Variants in CNKSR1 observed in about 807,000 individuals in gnomAD.
CNKSR1 encodes the protein CNK homolog protein 1.
A neutral mutation model predicts 95.6 loss-of-function variants in CNKSR1; 88 were observed. The observed-to-expected ratio is 0.92, with a 90% confidence interval of 0.78 to 1.10. The LOEUF (loss-of-function observed/expected upper bound fraction) is 1.10. CNKSR1 is among the 50% of genes least tolerant of loss of function. The probability of loss-of-function intolerance (pLI) is 0.00; values close to 1 mark genes in which losing one functional copy is unlikely to be tolerated. For missense variants in CNKSR1, 836 were observed against 912.0 expected (o/e 0.92, Z 1.07); for synonymous variants, 355 against 369.7 (o/e 0.96, Z 0.46).
intron 1 of CNKSR1, chr1:26,180,232 TCTG>T: frequency 1.0e-5 from 6 of 602,254 alleles, no homozygotes; most frequent in South Asian, 2.0e-5. Context: ...CTCCGGTGAG[TCTG>T]CTGCTGCTGG....
At chr1:26,181,721 C>A (rs751665895) in intron 3 of CNKSR1, 136 bp from the exon 4 acceptor site, 8 of 776,230 alleles carry the variant, frequency 1.0e-5, no homozygotes, top group Non-Finnish European at 1.8e-5. Flanking sequence ...ATGTCTCAAT[C>A]ATCTCCTTTA....
In CNKSR1 at chr1:26,189,303, C is replaced by G; in HGVS notation, c.1897C>G (p.Leu633Val). Residue 633 changes from leucine to valine, a missense_variant, in exon 21 of 21, where the codon CTA becomes GTA. Physicochemically the swap from Leu to Val is conservative, Grantham distance 32. Coordinates refer to ENST00000361530, the MANE Select transcript of CNKSR1 (RefSeq NM_006314.3). ...LKAKLQELQV[L>V]EEVLGDPELT... ...GGCAAAGCTGCAGGAGCTGCAGGTC[C>G]TAGAAGAAGTGCTGGGTGACCCTGA... The G allele has an allele frequency of 6.2e-7, 1 of 1,614,168 alleles. No homozygotes were observed. Among genetic ancestry groups the G allele is most frequent in the Non-Finnish European group, 8.5e-7 (1 of 1,180,010 alleles).
chr1:26,181,772 T>C, intron 3 of CNKSR1, 85 bp from the exon 4 acceptor site: 1 of 1,310,188 alleles, frequency 7.6e-7, no homozygotes, highest in Non-Finnish European at 1.1e-6. Context: ...TATCCCCAAG[T>C]CTCTGAGGTG....
chr1:26,179,182 C>T (rs770123591), intron 1 of CNKSR1, among the ~76,000 whole-genome samples: 5 of 152,108 alleles, frequency 3.3e-5, no homozygotes, highest in Admixed American at 6.5e-5. Flanking sequence ...AGGCACAGGC[C>T]GGGGGTTAGA....
At chr1:26,178,180 A>G (rs2088592835) in intron 1 of CNKSR1, among the ~76,000 whole-genome samples, 1 of 152,138 alleles carries the variant, frequency 6.6e-6, no homozygotes, top group African/African-American at 2.4e-5. Flanking sequence ...TGTCATGAAA[A>G]CAGGAGGGAG....
intron 5 of CNKSR1, 38 bp downstream of exon 5, chr1:26,182,440 C>G: frequency 6.2e-7 from 1 of 1,613,422 alleles, no homozygotes; most frequent in Non-Finnish European, 8.5e-7. Context: ...GGGGTAGGGG[C>G]GATCGGGCTC....
chr1:26,181,675 G>A, intron 3 of CNKSR1, 182 bp from the exon 4 acceptor site: 1 of 645,412 alleles, frequency 1.5e-6, no homozygotes, highest in Non-Finnish European at 2.8e-6. Context: ...CATGTGGTAG[G>A]CACATGACAA....
chr1:26,185,066 G>A lies in CNKSR1; in HGVS notation c.1188G>A (p.Arg396=), dbSNP rs760756111. 4 of 1,605,230 alleles carry A rather than the reference G, an allele frequency of 2.5e-6. No homozygotes were observed. The highest frequency in any genetic ancestry group is 4.5e-5 in the East Asian group (2 of 44,720). ...RRRVSCRELG[R]PDCDGWLLLR... is the part of the protein sequence containing the mutation. ...GGGTGTCATGCCGTGAGCTGGGCCG[G>A]CCGGACTGTGACGGCTGGCTCCTGT... The change falls in exon 14 of 21, where the codon CGG becomes CGA. Residue 396 remains arginine (R), a synonymous_variant. Coordinates refer to ENST00000361530, the MANE Select transcript of CNKSR1 (RefSeq NM_006314.3).
intron 1 of CNKSR1, among the ~76,000 whole-genome samples, chr1:26,179,902 G>C (rs143805141): frequency 4.5e-4 from 69 of 152,272 alleles, no homozygotes; most frequent in Non-Finnish European, 6.2e-4. Context: ...TTCAGAGACT[G>C]AGGCAGTCAA....
chr1:26,183,995 G>T (rs779739758), intron 9 of CNKSR1, 76 bp from the exon 10 acceptor site: 6 of 937,864 alleles, frequency 6.4e-6, no homozygotes, highest in Non-Finnish European at 8.5e-6. Context: ...TGCTCCTGCT[G>T]CTCCCCTACC....
chr1:26,185,068 C>G lies in CNKSR1; in HGVS notation c.1190C>G (p.Pro397Arg). The change falls in exon 14 of 21, where the codon CCG becomes CGG. Residue 397 changes from proline (P) to arginine (R), a missense_variant. Coordinates refer to ENST00000361530, the MANE Select transcript of CNKSR1 (RefSeq NM_006314.3). ...GTGTCATGCCGTGAGCTGGGCCGGC[C>G]GGACTGTGACGGCTGGCTCCTGTTG... ...RRVSCRELGRPDCDGWLLLRK... is the reference protein window; with the variant it reads ...RRVSCRELGRRDCDGWLLLRK... 1.2e-6 allele frequency: 2 copies of G among 1,605,402 alleles called. No individual in the cohort carries two copies. Among genetic ancestry groups the G allele is most frequent in the Non-Finnish European group, 1.7e-6 (2 of 1,178,334 alleles).
intron 14 of CNKSR1, among the ~76,000 whole-genome samples, chr1:26,186,574 G>A (rs1369324614): frequency 2.6e-5 from 4 of 152,124 alleles, no homozygotes; most frequent in South Asian, 2.1e-4. Flanking sequence ...TCCCAGGTTC[G>A]AGCAATTCTC....
In CNKSR1 at chr1:26,187,399, A is replaced by C. The variant is rs760104911; in HGVS notation, c.1383-12A>C. 6.9e-5 allele frequency: 112 copies of C among 1,613,716 alleles called. No individual in the cohort carries two copies. The highest frequency in any genetic ancestry group is 8.4e-5 in the Non-Finnish European group (99 of 1,179,776). On this transcript the variant is annotated splice_polypyrimidine_tract_variant and intron_variant, in intron 15 of 20. Coordinates refer to ENST00000361530, the MANE Select transcript of CNKSR1 (RefSeq NM_006314.3). Reference sequence around the variant, plus strand: ...CGCCCAGGCTGAGTGATGCTCCTCCACTACCTGGCAGTGTGTTTCAGCTCA... The same window carrying C: ...CGCCCAGGCTGAGTGATGCTCCTCCCCTACCTGGCAGTGTGTTTCAGCTCA...
In CNKSR1 at chr1:26,183,344, A is replaced by G; in HGVS notation, c.685-2A>G. The G allele has an allele frequency of 6.2e-7, 1 of 1,614,176 alleles. No homozygotes were observed. Among genetic ancestry groups the G allele is most frequent in the Non-Finnish European group, 8.5e-7 (1 of 1,180,004 alleles). The stretch of plus-strand genomic sequence containing the variant: ...AACCTCAGGCCCCATTCCCCACGTC[A>G]GGTTCCCACTGACTCCCGACTGCAG... On this transcript the variant is annotated splice_acceptor_variant, in intron 7 of 20. Coordinates refer to ENST00000361530, the MANE Select transcript of CNKSR1 (RefSeq NM_006314.3). LOFTEE classifies it high-confidence loss of function.
intron 16 of CNKSR1, among the ~76,000 whole-genome samples, chr1:26,188,028 T>A (rs2088786154): frequency 6.6e-6 from 1 of 152,070 alleles, no homozygotes; most frequent in African/African-American, 2.4e-5. Context: ...CCCAAAGTGC[T>A]GGGGTGACAG....
chr1:26,188,890 C>A lies in CNKSR1; in HGVS notation c.1809C>A (p.Arg603=). 1 of 1,613,820 alleles carries A rather than the reference C, an allele frequency of 6.2e-7. No homozygotes were observed. Among genetic ancestry groups the A allele is most frequent in the Non-Finnish European group, 8.5e-7 (1 of 1,179,988 alleles). ...AGTGGCGGAGCTCTTTCATGCGGCG[C>A]AACCGAGACCCTCAGCTCAATGAGC... ...QEQWRSSFMR[R]NRDPQLNERV... Residue 603 remains arginine (R), a synonymous_variant, in exon 20 of 21, where the codon CGC becomes CGA. Transcript: ENST00000361530.
chr1:26,184,709 A>G, intron 13 of CNKSR1, 97 bp downstream of exon 13: 2 of 1,389,880 alleles, frequency 1.4e-6, no homozygotes, highest in Non-Finnish European at 2.0e-6. Context: ...CTTCCCACAC[A>G]GCCTCTCCTG....
In CNKSR1 at chr1:26,189,453, G is replaced by A. The variant is rs1272810001; in HGVS notation, c.2047G>A (p.Glu683Lys). 18 of 1,613,960 alleles carry A rather than the reference G, an allele frequency of 1.1e-5. No homozygotes were observed. Among genetic ancestry groups the A allele is most frequent in the Middle Eastern group, 3.3e-4 (2 of 6,084 alleles). The stretch of plus-strand genomic sequence containing the variant: ...CCACATCTTGACCTCTGACTCCACA[G>A]AACAGTCCCCCCACTCCCTGCCCTC... ...SSHILTSDST[E>K]QSPHSLPSDP... Residue 683 changes from glutamate (E) to lysine (K), a missense_variant, in exon 21 of 21, where the codon GAA becomes AAA. Coordinates refer to ENST00000361530, the MANE Select transcript of CNKSR1 (RefSeq NM_006314.3).
rs61762998 is a variant in CNKSR1, at chr1:26,188,925, G to T, written c.1844G>T (p.Arg615Leu). The change falls in exon 20 of 21, where the codon CGT (arginine) becomes CTT (leucine). Residue 615 changes from arginine to leucine, a missense_variant. Physicochemically the swap from Arg to Leu is moderately radical, Grantham distance 102. Coordinates refer to ENST00000361530, the MANE Select transcript of CNKSR1 (RefSeq NM_006314.3). The stretch of plus-strand genomic sequence containing the variant: ...CCTCAGCTCAATGAGCGAGTGCACC[G>T]TGTGCGGGCGCTACAGAGCACACTC... ...RDPQLNERVHRVRALQSTLKA... is the reference protein window; with the variant it reads ...RDPQLNERVHLVRALQSTLKA... The T allele has an allele frequency of 1.9e-6, 3 of 1,613,688 alleles. No homozygotes were observed. The highest frequency in any genetic ancestry group is 2.7e-5 in the African/African-American group (2 of 74,904).
Sources: allele counts gnomAD v4.1 joint callset (sites outside exome capture counted in the v4.1 genomes callset), GRCh38; gene constraint gnomAD v4.1.1; transcripts MANE v1.5; gene names NCBI Gene and HGNC (gene_info 2026-07-23, HGNC 2026-07-21).